Variants in BCAS3 observed in about 807,000 individuals in gnomAD.
BCAS3 encodes the protein BCAS3 microtubule associated cell migration factor, also known as BCAS4/BCAS3 fusion.
A neutral mutation model predicts 116.1 loss-of-function variants in BCAS3; 53 were observed. The observed-to-expected ratio is 0.46, with a 90% CI of 0.37 to 0.57. BCAS3 has a LOEUF of 0.57. Among genes scored for constraint, BCAS3 ranks in the 20% least tolerant of loss-of-function variants. The pLI is 0.00. For missense variants in BCAS3, 917 were observed against 1,165.4 expected, an observed-to-expected ratio of 0.79 and a Z score of 3.10; for synonymous variants, 391 against 408.2, an observed-to-expected ratio of 0.96 and a Z score of 0.51.
chr17:60,988,876 TTTTA>T (rs1350906878), intron 14 of BCAS3, among the ~76,000 whole-genome samples: 2 of 152,046 alleles, frequency 1.3e-5, no homozygotes, highest in Non-Finnish European at 2.9e-5. Context: ...TTCATTTCAG[TTTTA>T]TTTATTTCTG....
rs2061368274 is a variant in BCAS3 at position 60,960,689 on chromosome 17, G to A, written c.1221+13337G>A. On this transcript the variant is annotated intron_variant, in intron 14 of 23. Coordinates refer to ENST00000407086, the MANE Select transcript of BCAS3 (RefSeq NM_017679.5). The surrounding 1 kb of genome is among the most constrained non-coding windows in gnomAD (Gnocchi z 4.1). ...GGAGTCATTCATACATTTTATTGAA[G>A]GGTAGCACAGGTTTGCACCTAGGTA... 6.6e-6 allele frequency among the ~76,000 whole-genome samples: 1 copy of A among 152,032 alleles called. No individual in the cohort carries two copies. Among genetic ancestry groups the A allele is most frequent in the African/African-American group, 2.4e-5 (1 of 41,364 alleles).
In BCAS3 at chr17:61,256,194, A is replaced by G. The variant is rs373656407; in HGVS notation, c.2426-112133A>G. Among the ~76,000 whole-genome samples the G allele has an allele frequency of 6.6e-6, 1 of 152,230 alleles. No individual in the cohort carries two copies. Among genetic ancestry groups the G allele is most frequent in the East Asian group, 1.9e-4 (1 of 5,196 alleles). ...TACCTTCAAAATGACCCTCACTTAG[A>G]TCAGACTACCTGGGGTTGTCAAGCC... On this transcript the variant is annotated intron_variant, in intron 22 of 23. Transcript: ENST00000407086. The surrounding 1 kb of genome is among the most constrained non-coding windows in gnomAD (Gnocchi z 5.6).
intron 19 of BCAS3, among the ~76,000 whole-genome samples, chr17:61,053,028 T>G (rs546974902): frequency 3.9e-5 from 6 of 152,154 alleles, no homozygotes; most frequent in Non-Finnish European, 7.3e-5. Flanking sequence ...GTGGTGAGTT[T>G]CTTCTGAATA....
At chr17:60,700,962 G>T (rs1568045859) in intron 4 of BCAS3, among the ~76,000 whole-genome samples, 1 of 152,136 alleles carries the variant, frequency 6.6e-6, no homozygotes, top group Non-Finnish European at 1.5e-5. Context: ...GGAGAGGGGA[G>T]GCTGGGTGTG....
At chr17:60,742,426 C>CTTTTTTTTTTTTTT (rs1173664552) in intron 5 of BCAS3, among the ~76,000 whole-genome samples, 2 of 103,450 alleles carry the variant, frequency 1.9e-5, no homozygotes, top group Non-Finnish European at 3.8e-5. Flanking sequence ...TCCTTGACAT[C>CTTTTTTTTTTTTTT]TTTTTTTTTT....
chr17:61,015,338 T>C (rs1229239027), intron 15 of BCAS3, among the ~76,000 whole-genome samples: 1 of 152,226 alleles, frequency 6.6e-6, no homozygotes, highest in Non-Finnish European at 1.5e-5. Flanking sequence ...CACCTGGGCT[T>C]GGAGTGCAGG....
chr17:61,030,080 C>G (rs569348629), intron 16 of BCAS3, among the ~76,000 whole-genome samples: 20 of 152,100 alleles, frequency 1.3e-4, no homozygotes, highest in African/African-American at 4.3e-4. Flanking sequence ...GAAAAAACTT[C>G]TAAAAGAATA....
chr17:61,201,956 C>G (rs1686281505), intron 22 of BCAS3, among the ~76,000 whole-genome samples: 1 of 150,726 alleles, frequency 6.6e-6, no homozygotes, highest in African/African-American at 2.4e-5. Flanking sequence ...GACCGGGTTT[C>G]ACCATGTTGA....
At chr17:60,731,832 G>A (rs1158999926) in intron 5 of BCAS3, among the ~76,000 whole-genome samples, 1 of 147,708 alleles carries the variant, frequency 6.8e-6, no homozygotes, top group Non-Finnish European at 1.5e-5. Context: ...AGGCTGGAGT[G>A]CAGTGGCATG....
chr17:61,147,760 G>A (rs1302014774), intron 22 of BCAS3, among the ~76,000 whole-genome samples: 1 of 152,104 alleles, frequency 6.6e-6, no homozygotes, highest in Non-Finnish European at 1.5e-5. Flanking sequence ...GCCGAGGTGG[G>A]CGGGTCACCT....
intron 22 of BCAS3, among the ~76,000 whole-genome samples, chr17:61,341,112 G>T (rs1303827363): frequency 6.6e-6 from 1 of 152,206 alleles, no homozygotes; most frequent in Admixed American, 6.5e-5. Flanking sequence ...GCAGAAGCTG[G>T]AATCGTTAAG....
intron 6 of BCAS3, among the ~76,000 whole-genome samples, chr17:60,804,098 C>T (rs1396286254): frequency 6.0e-5 from 9 of 151,046 alleles, no homozygotes; most frequent in African/African-American, 1.7e-4. Context: ...CCACTGCGCC[C>T]GGCCACTATT....
intron 22 of BCAS3, among the ~76,000 whole-genome samples, chr17:61,267,097 G>A (rs1387167055): frequency 1.3e-5 from 2 of 152,100 alleles, no homozygotes; most frequent in Non-Finnish European, 2.9e-5. Flanking sequence ...TCGCTCTGTC[G>A]CCCAGGCTGG....
Position 61,019,768 on chromosome 17 carries a change from A to G in BCAS3, c.1637+3867A>G, listed in dbSNP as rs913083762. On this transcript the variant is annotated intron_variant, in intron 16 of 23. Transcript: ENST00000407086. The surrounding 1 kb of genome is among the most constrained non-coding windows in gnomAD (Gnocchi z 5.6). Reference sequence around the variant, plus strand: ...AATTATTGGCATTAAATTGTATTGTATTTGCTGAGAAATCTGATGGCTCCA... The same window carrying G: ...AATTATTGGCATTAAATTGTATTGTGTTTGCTGAGAAATCTGATGGCTCCA... Among the ~76,000 whole-genome samples, 1 of 152,122 alleles carries G rather than the reference A, an allele frequency of 6.6e-6. No homozygotes were observed. The highest frequency in any genetic ancestry group is 6.5e-5 in the Admixed American group (1 of 15,274).
intron 7 of BCAS3, among the ~76,000 whole-genome samples, chr17:60,818,530 A>G (rs145332668): frequency 6.6e-6 from 1 of 152,354 alleles, no homozygotes; most frequent in Non-Finnish European, 1.5e-5. Context: ...CAGAGCCCTT[A>G]TATATGATAC....
intron 22 of BCAS3, among the ~76,000 whole-genome samples, chr17:61,107,082 CTTTTTTTTTT>C (rs755754824): frequency 9.4e-6 from 1 of 106,388 alleles, no homozygotes; most frequent in South Asian, 3.0e-4. Flanking sequence ...ACTAGGCTTA[CTTTTTTTTTT>C]TTTTTTTTTT....
chr17:61,115,376 A>C (rs1240459800), intron 22 of BCAS3, among the ~76,000 whole-genome samples: 24 of 151,842 alleles, frequency 1.6e-4, no homozygotes, highest in African/African-American at 4.4e-4. Context: ...TCTACAATGA[A>C]CTCAAACAAA....
intron 22 of BCAS3, among the ~76,000 whole-genome samples, chr17:61,231,622 C>T (rs1003042024): frequency 6.6e-6 from 1 of 152,066 alleles, no homozygotes; most frequent in African/African-American, 2.4e-5. Flanking sequence ...GTAATCACAT[C>T]TGTAAGCACT....
rs1422206823 is a variant in BCAS3, at chr17:61,371,435, G to T, written c.2593+2941G>T. 3.9e-5 allele frequency among the ~76,000 whole-genome samples: 6 copies of T among 152,126 alleles called. No homozygotes were observed. The South Asian group carries it at 6.2e-4, about 16-fold the overall frequency. ...AACCTCACTATTCAGAGTGGTCTGGGGGTTGAAGGATAGCTTTGGTCAAAG... is the reference window on the plus strand; with the variant it reads ...AACCTCACTATTCAGAGTGGTCTGGTGGTTGAAGGATAGCTTTGGTCAAAG... On this transcript the variant is annotated intron_variant, in intron 23 of 23. Coordinates refer to ENST00000407086, the MANE Select transcript of BCAS3 (RefSeq NM_017679.5).
Sources: gnomAD v4.1 joint callset for allele counts (sites outside exome capture counted in the v4.1 genomes callset) on GRCh38, gnomAD v4.1.1 for gene constraint, Gnocchi (gnomAD v3.1) non-coding constraint, MANE v1.5 for transcripts, NCBI Gene and HGNC (gene_info 2026-07-23, HGNC 2026-07-21) for gene names.